Variants in PLCL2 observed in about 807,000 individuals in gnomAD.
PLCL2 encodes inactive phospholipase C-like protein 2.
PLCL2 carries 4 observed loss-of-function variants against 79.6 expected under a neutral mutation model. The observed-to-expected ratio is 0.05, with a 90% CI of 0.02 to 0.11. The LOEUF (loss-of-function observed/expected upper bound fraction) is 0.11. PLCL2 is among the 10% of genes least tolerant of loss of function. PLCL2 has a pLI of 1.00. For synonymous variants in PLCL2, 484 were observed against 457.7 expected, an observed-to-expected ratio of 1.06 and a Z score of -0.73; for missense variants, 895 against 1,291.0, an observed-to-expected ratio of 0.69 and a Z score of 4.70.
intron 1 of PLCL2, among the ~76,000 whole-genome samples, chr3:16,951,126 T>G (rs2063647583): frequency 6.6e-6 from 1 of 152,158 alleles, no homozygotes. Flanking sequence ...CTTTCTGTTT[T>G]TTTTCCTGAG....
chr3:17,072,055 G>GACCTCAGGTAATCTGCCC (rs2065065318), intron 5 of PLCL2, among the ~76,000 whole-genome samples: 1 of 152,126 alleles, frequency 6.6e-6, no homozygotes, highest in Admixed American at 6.5e-5. Flanking sequence ...TCGAACTCCT[G>GACCTCAGGTAATCTGCCC]ACCTCAGGTA....
chr3:16,929,123 GCGCA>G (rs1697331700), intron 1 of PLCL2, among the ~76,000 whole-genome samples: 1 of 151,576 alleles, frequency 6.6e-6, no homozygotes, highest in Non-Finnish European at 1.5e-5. Flanking sequence ...GAGGATACCT[GCGCA>G]GAAATGATGA....
chr3:16,981,955 C>T (rs961741864), intron 1 of PLCL2, among the ~76,000 whole-genome samples: 3 of 152,146 alleles, frequency 2.0e-5, no homozygotes, highest in African/African-American at 7.2e-5. Context: ...CTTAAATTAT[C>T]CTCTTTTATA....
chr3:17,047,821 G>T (rs1278879400), intron 4 of PLCL2, among the ~76,000 whole-genome samples: 2 of 152,160 alleles, frequency 1.3e-5, no homozygotes, highest in Non-Finnish European at 2.9e-5. Flanking sequence ...TCTGGACATG[G>T]TGTTAATAGT....
rs775478037 is a variant in PLCL2, at chr3:17,010,675, A to C, written c.1329A>C (p.Thr443=). The change falls in exon 2 of 6, where the codon ACA becomes ACC. Residue 443 remains threonine, a synonymous_variant. Coordinates refer to ENST00000615277, the MANE Select transcript of PLCL2 (RefSeq NM_001144382.2). The surrounding 1 kb of genome is among the most constrained non-coding windows in gnomAD (Gnocchi z 5.8). ...SHYFINSSHN[T]YLIEDQFRGP... ...ACTTTATAAACTCATCTCATAATAC[A>C]TACTTAATAGAGGATCAGTTCCGAG... 1.6e-5 allele frequency: 26 copies of C among 1,613,900 alleles called. No individual in the cohort carries two copies. Among genetic ancestry groups the C allele is most frequent in the Non-Finnish European group, 2.0e-5 (24 of 1,179,906 alleles).
Position 17,059,332 on chromosome 3 carries a change from T to C in PLCL2, c.3095-8624T>C, listed in dbSNP as rs1464415159. Among the ~76,000 whole-genome samples, 3 of 149,528 alleles carry C rather than the reference T, an allele frequency of 2.0e-5. No homozygotes were observed. In the East Asian group the frequency reaches 5.8e-4, roughly 29 times the overall value. On this transcript the variant is annotated intron_variant, in intron 4 of 5. Coordinates refer to ENST00000615277, the MANE Select transcript of PLCL2 (RefSeq NM_001144382.2). ...AGGCAGAGGTTGCAGTGAGCCGAGA[T>C]TGCACCACTGCACTCCAGCCTAGGT... is the stretch of plus-strand genomic sequence containing the variant.
chr3:17,014,651 C>T, intron 2 of PLCL2, 57 bp from the exon 3 acceptor site: 6 of 1,289,458 alleles, frequency 4.7e-6, no homozygotes, highest in South Asian at 3.6e-5. Flanking sequence ...ATATAATATC[C>T]ATGAGAAAGT....
At chr3:16,999,555 A>G (rs2064186058) in intron 1 of PLCL2, among the ~76,000 whole-genome samples, 1 of 152,236 alleles carries the variant, frequency 6.6e-6, no homozygotes. Context: ...TAGGTACCAT[A>G]AATAACATTT....
chr3:16,959,880 C>T (rs772927838), intron 1 of PLCL2, among the ~76,000 whole-genome samples: 31 of 152,060 alleles, frequency 2.0e-4, no homozygotes, highest in South Asian at 8.3e-4. Flanking sequence ...CCGAGGCAGG[C>T]GGATCACGAG....
At chr3:16,983,498 G>A (rs182151907) in intron 1 of PLCL2, among the ~76,000 whole-genome samples, 21 of 152,244 alleles carry the variant, frequency 1.4e-4, no homozygotes, top group Non-Finnish European at 2.6e-4. Context: ...GTGAAACCCC[G>A]TCTGTACCAA....
intron 3 of PLCL2, among the ~76,000 whole-genome samples, chr3:17,021,419 G>A (rs940184542): frequency 2.0e-5 from 3 of 152,164 alleles, no homozygotes; most frequent in Admixed American, 2.0e-4. Flanking sequence ...ATTATCAGAT[G>A]AGAAGTACCA....
intron 3 of PLCL2, among the ~76,000 whole-genome samples, chr3:17,024,807 C>T (rs78081104): frequency 0.018 from 2,707 of 152,308 alleles, 96 homozygotes; most frequent in African/African-American, 0.062. Flanking sequence ...TTACTTGGGA[C>T]CCAGAGGAGA....
At chr3:17,072,422 A>G (rs2065068471) in intron 5 of PLCL2, among the ~76,000 whole-genome samples, 1 of 152,142 alleles carries the variant, frequency 6.6e-6, no homozygotes, top group African/African-American at 2.4e-5. Context: ...TAATCCCAGC[A>G]CTTTGGGAGG....
chr3:17,025,981 G>A (rs765245983), intron 3 of PLCL2, among the ~76,000 whole-genome samples: 1 of 152,162 alleles, frequency 6.6e-6, no homozygotes, highest in Non-Finnish European at 1.5e-5. Flanking sequence ...TAACTGCTCT[G>A]TCAGTGGGGA....
At position 17,010,363 on chromosome 3, in the gene PLCL2, T is replaced by C. The variant is rs758262578; in HGVS notation, c.1017T>C (p.Cys339=). The C allele has an allele frequency of 6.2e-7, 1 of 1,614,074 alleles. No individual in the cohort carries two copies. The highest frequency in any genetic ancestry group is 1.1e-5 in the South Asian group (1 of 91,084). The part of the protein sequence containing the change: ...EEFIEVFHEL[C]TRPEIYFLLV... ...TTATTGAGGTTTTTCATGAGCTTTG[T>C]ACTAGACCTGAAATTTATTTCCTTT... is the stretch of plus-strand genomic sequence containing the variant. The change falls in exon 2 of 6, where the codon TGT becomes TGC. Residue 339 remains cysteine, a synonymous_variant. Transcript: ENST00000615277. The surrounding 1 kb of genome is among the most constrained non-coding windows in gnomAD (Gnocchi z 5.8).
chr3:16,939,207 G>T (rs1697616830), intron 1 of PLCL2, among the ~76,000 whole-genome samples: 1 of 152,190 alleles, frequency 6.6e-6, no homozygotes, highest in South Asian at 2.1e-4. Context: ...TCTAGTAGCT[G>T]TTGGAATTTG....
intron 4 of PLCL2, among the ~76,000 whole-genome samples, chr3:17,046,984 G>A (rs2064786811): frequency 6.6e-6 from 1 of 152,134 alleles, no homozygotes; most frequent in African/African-American, 2.4e-5. Flanking sequence ...GAATTTAATA[G>A]GTGATGCTTG....
At chr3:16,956,233 C>A (rs1559497727) in intron 1 of PLCL2, among the ~76,000 whole-genome samples, 1 of 152,168 alleles carries the variant, frequency 6.6e-6, no homozygotes, top group African/African-American at 2.4e-5. Context: ...GAGTTTTTAG[C>A]ATGAAGGGCT....
chr3:16,964,758 C>G (rs2063788608), intron 1 of PLCL2, among the ~76,000 whole-genome samples: 1 of 152,056 alleles, frequency 6.6e-6, no homozygotes. Flanking sequence ...ATTTGCATTT[C>G]TCTGATGGCC....
Sources: allele counts gnomAD v4.1 joint callset (sites outside exome capture counted in the v4.1 genomes callset), GRCh38; gene constraint gnomAD v4.1.1; non-coding constraint Gnocchi (gnomAD v3.1); transcripts MANE v1.5; gene names NCBI Gene and HGNC (gene_info 2026-07-23, HGNC 2026-07-21).